The following MCOLN1 variants were observed in gnomAD, a reference collection of about 807,000 sequenced individuals.
MCOLN1 encodes mucolipin TRP cation channel 1.
A neutral mutation model predicts 70.3 loss-of-function variants in MCOLN1; 50 were observed. The ratio of observed to expected loss-of-function variants is 0.71; its 90% confidence interval spans 0.57 to 0.90. MCOLN1 has a LOEUF of 0.90. Ranked by LOEUF, MCOLN1 falls within the 40% of genes least tolerant of loss-of-function variation. The pLI is 0.00. For missense variants in MCOLN1, 598 were observed against 803.5 expected (o/e 0.74, Z 3.09); for synonymous variants, 366 against 341.0 (o/e 1.07, Z -0.81).
chr19:7,533,358 C>T, intron 12 of MCOLN1, 165 bp from the exon 13 acceptor site: 1 of 851,862 alleles, frequency 1.2e-6, no homozygotes, highest in South Asian at 1.7e-5. Flanking sequence ...AGGGAAGGTC[C>T]CTCTGTGCAA....
rs2022605305 is a variant in MCOLN1, at chr19:7,528,512, A to G, written c.878-85A>G. Reference sequence around the variant, plus strand: ...ACCAAAACCAGCCGTGCAGCCCCCTAGGTCTCCAGCCTGGCCTGGCACCAA... The same window carrying G: ...ACCAAAACCAGCCGTGCAGCCCCCTGGGTCTCCAGCCTGGCCTGGCACCAA... On this transcript the variant is annotated intron_variant, in intron 7 of 13. Coordinates refer to ENST00000264079, the MANE Select transcript of MCOLN1 (RefSeq NM_020533.3). This position sits in a 1 kb window ranked among gnomAD's most constrained non-coding sequence, Gnocchi z 4.2. The G allele has an allele frequency of 8.9e-6, 14 of 1,566,670 alleles. No homozygotes were observed. Among genetic ancestry groups the G allele is most frequent in the South Asian group, 2.3e-5 (2 of 88,470 alleles).
In MCOLN1 at chr19:7,525,311, G is replaced by GTCT; in HGVS notation, c.237+146_237+147insCTT. 1 of 750,366 alleles carries GTCT rather than the reference G, an allele frequency of 1.3e-6. No individual in the cohort carries two copies. Among genetic ancestry groups the GTCT allele is most frequent in the Non-Finnish European group, 2.3e-6 (1 of 434,428 alleles). The allele number at this position is 750,366 out of a possible 1,614,324, so 46.5% of individuals were successfully genotyped here. On this transcript the variant is annotated intron_variant, in intron 2 of 13. Transcript: ENST00000264079. The surrounding 1 kb of genome is among the most constrained non-coding windows in gnomAD (Gnocchi z 4.2). ...GTTCAAGACCAGTCTGGCCAGCATG[G>GTCT]TGAAACCCCATCTCTACTAAAAATA...
Position 7,525,207 on chromosome 19 carries a change from G to T in MCOLN1, c.237+41G>T. On this transcript the variant is annotated intron_variant, in intron 2 of 13. Coordinates refer to ENST00000264079, the MANE Select transcript of MCOLN1 (RefSeq NM_020533.3). The surrounding 1 kb of genome is among the most constrained non-coding windows in gnomAD (Gnocchi z 4.2). ...CAGGGGCCCCAGCTGAAGGCCACCT[G>T]TGGCTGCTGTGCTCCTTGAAGAGAG... 1 of 1,566,032 alleles carries T rather than the reference G, an allele frequency of 6.4e-7. No individual in the cohort carries two copies.
rs2022566022 is a variant in MCOLN1 at position 7,526,258 on chromosome 19, TAATC to T, written c.238-178_238-175del. 5.4e-6 allele frequency: 4 copies of T among 736,832 alleles called. No individual in the cohort carries two copies. Among genetic ancestry groups the T allele is most frequent in the East Asian group, 2.5e-5 (1 of 39,564 alleles). The allele number at this position is 736,832 out of a possible 1,614,324, so 45.6% of individuals were successfully genotyped here. On this transcript the variant is annotated intron_variant, in intron 2 of 13. Transcript: ENST00000264079. The surrounding 1 kb of genome is among the most constrained non-coding windows in gnomAD (Gnocchi z 4.6). Reference sequence around the variant, plus strand: ...CTTATGCCAGGAGGTGGGGTGAAATTAATCAAAGCAAAGAAATGCACAAGTGAAA... The same window carrying T: ...CTTATGCCAGGAGGTGGGGTGAAATTAAAGCAAAGAAATGCACAAGTGAAA...
intron 12 of MCOLN1, among the ~76,000 whole-genome samples, chr19:7,531,046 ATT>A (rs1429993305): frequency 1.3e-5 from 2 of 150,362 alleles, no homozygotes; most frequent in East Asian, 4.0e-4. Flanking sequence ...GGCCTATTTT[ATT>A]TTATTATTAA....
chr19:7,533,695 G>A, intron 13 of MCOLN1, 42 bp downstream of exon 13: 1 of 1,614,170 alleles, frequency 6.2e-7, no homozygotes, highest in Non-Finnish European at 8.5e-7. Flanking sequence ...GGAGGTTAGG[G>A]AATGGGGAAA....
intron 10 of MCOLN1, 144 bp downstream of exon 10, chr19:7,529,346 G>A (rs2022620358): frequency 2.2e-6 from 2 of 924,574 alleles, no homozygotes; most frequent in African/African-American, 3.3e-5. Flanking sequence ...AGATATATCT[G>A]TCACTGCACC....
chr19:7,531,741 C>G (rs1005584621), intron 12 of MCOLN1, among the ~76,000 whole-genome samples: 3 of 152,130 alleles, frequency 2.0e-5, no homozygotes, highest in Non-Finnish European at 4.4e-5. Flanking sequence ...AATCTCGGCT[C>G]ACTGCAACCT....
rs1019107980 is a variant in MCOLN1, at chr19:7,524,312, G to T, written c.32-649G>T. On this transcript the variant is annotated intron_variant, in intron 1 of 13. Coordinates refer to ENST00000264079, the MANE Select transcript of MCOLN1 (RefSeq NM_020533.3). The surrounding 1 kb of genome is among the most constrained non-coding windows in gnomAD (Gnocchi z 4.1). ...CAGGGAGATAAAATGAGTCTTTAGC[G>T]AATGTGTTCCATTATTATTACTTAT... Among the ~76,000 whole-genome samples the T allele has an allele frequency of 1.3e-5, 2 of 152,298 alleles. No individual in the cohort carries two copies. Among genetic ancestry groups the T allele is most frequent in the African/African-American group, 2.4e-5 (1 of 41,554 alleles).
At chr19:7,529,861 T>C (rs2022629146) in intron 11 of MCOLN1, 149 bp downstream of exon 11, 2 of 1,006,970 alleles carry the variant, frequency 2.0e-6, no homozygotes, top group Non-Finnish European at 3.2e-6. Flanking sequence ...TGTGCCATTA[T>C]TGTTGTCACA....
rs771159619 is a variant in MCOLN1, at chr19:7,526,622, C to T, written c.405+16C>T. 3 of 1,608,148 alleles carry T rather than the reference C, an allele frequency of 1.9e-6. No individual in the cohort carries two copies. Among genetic ancestry groups the T allele is most frequent in the Admixed American group, 1.7e-5 (1 of 59,786 alleles). On this transcript the variant is annotated intron_variant, in intron 3 of 13. Coordinates refer to ENST00000264079, the MANE Select transcript of MCOLN1 (RefSeq NM_020533.3). This position sits in a 1 kb window ranked among gnomAD's most constrained non-coding sequence, Gnocchi z 4.6. ...TGTGGACCAGGTGCTGGTGGGCGGG[C>T]AGGTGCTGGTGGGCAGGCAGGTGCA... is the stretch of plus-strand genomic sequence containing the variant.
rs779389770 is a variant in MCOLN1, at chr19:7,528,134, T to A, written c.778-24T>A. The A allele has an allele frequency of 6.2e-6, 10 of 1,612,416 alleles. No individual in the cohort carries two copies. Among genetic ancestry groups the A allele is most frequent in the Non-Finnish European group, 7.6e-6 (9 of 1,178,652 alleles). On this transcript the variant is annotated intron_variant, in intron 6 of 13. Coordinates refer to ENST00000264079, the MANE Select transcript of MCOLN1 (RefSeq NM_020533.3). This position sits in a 1 kb window ranked among gnomAD's most constrained non-coding sequence, Gnocchi z 4.2. Reference sequence around the variant, plus strand: ...GGGGCTTGGGGCTGCCAAGGTTTACTCTGCCCCCAACTGGCCCCCACAGAT... The same window carrying A: ...GGGGCTTGGGGCTGCCAAGGTTTACACTGCCCCCAACTGGCCCCCACAGAT...
At chr19:7,531,908 C>T (rs575004237) in intron 12 of MCOLN1, among the ~76,000 whole-genome samples, 3 of 152,298 alleles carry the variant, frequency 2.0e-5, no homozygotes, top group Non-Finnish European at 2.9e-5. Context: ...CCTTGTGATC[C>T]GCCCACCTCA....
In MCOLN1 at chr19:7,533,941, GGGGGCGGGGA is replaced by G. The variant is rs2022718123; in HGVS notation, c.*148_*157del. 6 of 900,334 alleles carry G rather than the reference GGGGGCGGGGA, an allele frequency of 6.7e-6. No individual in the cohort carries two copies. Among genetic ancestry groups the G allele is most frequent in the Admixed American group, 2.0e-5 (1 of 49,178 alleles). 55.8% of individuals were successfully genotyped at this position (900,334 alleles called of 1,614,324 possible). A position where few individuals can be genotyped will look rare whatever the true frequency, so the allele number is the denominator to read the frequency against. On this transcript the variant is annotated 3_prime_UTR_variant, in exon 14 of 14. Coordinates refer to ENST00000264079, the MANE Select transcript of MCOLN1 (RefSeq NM_020533.3). The stretch of plus-strand genomic sequence containing the variant: ...CCTGGACCTTTCGTGTCGGACCCTT[GGGGGCGGGGA>G]GACTGGGTGGGGAGGGTGTTGAATA...
intron 12 of MCOLN1, among the ~76,000 whole-genome samples, chr19:7,531,020 G>A (rs568387726): frequency 1.3e-4 from 20 of 152,126 alleles, no homozygotes; most frequent in African/African-American, 3.9e-4. Context: ...GATTACAGGC[G>A]TGAGCCACCA....
rs1428327160 is a variant in MCOLN1 at position 7,522,672 on chromosome 19, A to G, written c.-79A>G. ...TTTGAAGCCGCGCCGCGAGGGAGCG[A>G]GGTCGCAGTGACAGCGGCGGGCGAT... On this transcript the variant is annotated 5_prime_UTR_variant, in exon 1 of 14. Transcript: ENST00000264079. 3 of 1,374,360 alleles carry G rather than the reference A, an allele frequency of 2.2e-6. No homozygotes were observed. Among genetic ancestry groups the G allele is most frequent in the Non-Finnish European group, 2.9e-6 (3 of 1,044,880 alleles). 85.1% of individuals were successfully genotyped at this position (1,374,360 alleles called of 1,614,324 possible).
At chr19:7,522,893 T>C in intron 1 of MCOLN1, 112 bp downstream of exon 1, 1 of 1,019,606 alleles carries the variant, frequency 9.8e-7, no homozygotes, top group Non-Finnish European at 1.3e-6. Flanking sequence ...AGCGCTGACT[T>C]TTCACGGTGG....
At chr19:7,532,702 G>A (rs757429948) in intron 12 of MCOLN1, among the ~76,000 whole-genome samples, 18 of 152,190 alleles carry the variant, frequency 1.2e-4, no homozygotes, top group Non-Finnish European at 2.6e-4. Flanking sequence ...GCGAGAGACC[G>A]AGACTCTGCT....
rs188161609 is a variant in MCOLN1, at chr19:7,528,287, A to C, written c.877+30A>C. On this transcript the variant is annotated intron_variant, in intron 7 of 13. Transcript: ENST00000264079. The surrounding 1 kb of genome is among the most constrained non-coding windows in gnomAD (Gnocchi z 4.2). ...GCCCCTGAGCCCCAGACCAGCACTG[A>C]CCAGGGGCCCTGGCCTGTCCTGGGA... 5.4e-4 allele frequency: 854 copies of C among 1,586,724 alleles called. 5 individuals carry two copies. The African/African-American group carries it at 0.011, about 20-fold the overall frequency.
Sources: allele counts gnomAD v4.1 joint callset (sites outside exome capture counted in the v4.1 genomes callset), GRCh38; gene constraint gnomAD v4.1.1; non-coding constraint Gnocchi (gnomAD v3.1); transcripts MANE v1.5; gene names NCBI Gene and HGNC (gene_info 2026-07-23, HGNC 2026-07-21).